CSNK2A1: variants seen among roughly 807,000 people sequenced by gnomAD.
CSNK2A1 encodes the protein casein kinase 2 alpha 1, also known as casein kinase II subunit alpha.
CSNK2A1 carries 10 observed loss-of-function variants against 62.9 expected under a neutral mutation model. That is an observed-to-expected ratio of 0.16 (90% CI 0.10 to 0.27). The LOEUF (loss-of-function observed/expected upper bound fraction) is 0.27, where lower values mean the gene tolerates loss of function less well. Ranked by LOEUF, CSNK2A1 falls within the 10% of genes least tolerant of loss-of-function variation. The pLI is 1.00. For missense variants in CSNK2A1, 160 were observed against 492.0 expected (o/e 0.33, Z 6.38); for synonymous variants, 124 against 167.8 (o/e 0.74, Z 2.02).
intron 8 of CSNK2A1, chr20:495,278 C>T (rs6037789): frequency 1.2e-5 from 2 of 160,556 alleles, no homozygotes. Flanking sequence ...CAACAGGGCC[C>T]TTATGACATC....
intron 1 of CSNK2A1, among the ~76,000 whole-genome samples, chr20:538,023 G>A (rs904614756): frequency 2.7e-5 from 4 of 150,234 alleles, no homozygotes; most frequent in African/African-American, 4.9e-5. Flanking sequence ...GTGCAGTGGC[G>A]TGATCTTGAC....
chr20:485,105 AAAAAAT>A (rs2018060303), intron 13 of CSNK2A1, among the ~76,000 whole-genome samples: 1 of 21,302 alleles, frequency 4.7e-5, no homozygotes, highest in Non-Finnish European at 9.2e-5. Flanking sequence ...AAAAAAAAAA[AAAAAAT>A]ATATATATAT....
At chr20:495,883 CT>C in intron 7 of CSNK2A1, 81 bp from the exon 8 acceptor site, 1 of 1,228,380 alleles carries the variant, frequency 8.1e-7, no homozygotes, top group Non-Finnish European at 1.2e-6. Context: ...GTAAATTTTC[CT>C]TTTAGCCTCA....
chr20:541,338 T>C (rs2019444627), intron 1 of CSNK2A1, among the ~76,000 whole-genome samples: 1 of 152,192 alleles, frequency 6.6e-6, no homozygotes, highest in Non-Finnish European at 1.5e-5. Flanking sequence ...GATCAAGGTA[T>C]GGCACCTTGG....
At position 508,624 on chromosome 20, in the gene CSNK2A1, G is replaced by A; in HGVS notation, c.-73C>T. On this transcript the variant is annotated 5_prime_UTR_variant, in exon 3 of 14. Transcript: ENST00000217244. ...GCAGTCACTGTGTTCAGAAGCAGCT[G>A]GGGGTAAGACCTTGTTTCAGACCTG... is the stretch of plus-strand genomic sequence containing the variant. 6.7e-7 allele frequency: 1 copy of A among 1,497,224 alleles called. No homozygotes were observed. The highest frequency in any genetic ancestry group is 1.8e-5 in the Admixed American group (1 of 55,978). The allele number at this position is 1,497,224 out of a possible 1,614,324, so 92.7% of individuals were successfully genotyped here.
chr20:516,003 T>A (rs2018821830), intron 2 of CSNK2A1, among the ~76,000 whole-genome samples: 1 of 152,198 alleles, frequency 6.6e-6, no homozygotes, highest in South Asian at 2.1e-4. Context: ...TTCCCCTCGA[T>A]AATTCAAATT....
intron 4 of CSNK2A1, chr20:503,810 A>G (rs2018518208): frequency 2.0e-5 from 8 of 397,410 alleles, no homozygotes; most frequent in Non-Finnish European, 3.1e-5. Context: ...TTATAGTTAT[A>G]TAAGAACAAA....
chr20:498,246 T>A (rs2018384990), intron 6 of CSNK2A1: 1 of 153,542 alleles, frequency 6.5e-6, no homozygotes. Context: ...AAACTATTCT[T>A]GTTCCAATTG....
intron 1 of CSNK2A1, among the ~76,000 whole-genome samples, chr20:536,305 A>G (rs1009704545): frequency 1.3e-5 from 2 of 152,200 alleles, no homozygotes; most frequent in Non-Finnish European, 2.9e-5. Flanking sequence ...GGCAATAAAC[A>G]CATTCTTTTC....
At chr20:538,550 ATAC>A (rs2019382039) in intron 1 of CSNK2A1, among the ~76,000 whole-genome samples, 1 of 152,216 alleles carries the variant, frequency 6.6e-6, no homozygotes, top group South Asian at 2.1e-4. Context: ...AATTAATAGG[ATAC>A]TTTAAAGAAC....
chr20:499,973 A>G lies in CSNK2A1; in HGVS notation c.214-39T>C. ...AGTACATCAGCAAAAAAAAAAAAAAAAAATTTTTTCAGAGTATTTCAACAC... is the reference window on the plus strand; with the variant it reads ...AGTACATCAGCAAAAAAAAAAAAAAGAAATTTTTTCAGAGTATTTCAACAC... On this transcript the variant is annotated intron_variant, in intron 4 of 13. Coordinates refer to ENST00000217244, the MANE Select transcript of CSNK2A1 (RefSeq NM_177559.3). The surrounding 1 kb of genome is among the most constrained non-coding windows in gnomAD (Gnocchi z 4.2). 1 of 1,538,948 alleles carries G rather than the reference A, an allele frequency of 6.5e-7. No individual in the cohort carries two copies. Among genetic ancestry groups the G allele is most frequent in the African/African-American group, 1.4e-5 (1 of 70,996 alleles).
At chr20:507,577 T>G (rs1234406093) in intron 3 of CSNK2A1, 4 of 152,174 alleles carry the variant, frequency 2.6e-5, no homozygotes, top group Non-Finnish European at 5.9e-5. Flanking sequence ...AGACTACAAC[T>G]GTTCAAGATA....
intron 6 of CSNK2A1, chr20:498,335 CTTTT>C (rs11477158): frequency 1.2e-3 from 138 of 119,652 alleles, no homozygotes; most frequent in African/African-American, 4.3e-3. Flanking sequence ...ATGGACATAT[CTTTT>C]TTTTTTTTTT....
Position 487,592 on chromosome 20 carries a change from G to C in CSNK2A1, c.825-17C>G, listed in dbSNP as rs200656477. On this transcript the variant is annotated splice_polypyrimidine_tract_variant and intron_variant, in intron 11 of 13. Coordinates refer to ENST00000217244, the MANE Select transcript of CSNK2A1 (RefSeq NM_177559.3). ...CGAGAGTGTCTGCAGGACCAAAAGA[G>C]GGCATGAGAAATGGGCCACGTGGGC... 6.6e-4 allele frequency: 1,062 copies of C among 1,614,020 alleles called. 7 individuals carry two copies. Among genetic ancestry groups the C allele is most frequent in the Middle Eastern group, 8.2e-4 (5 of 6,084 alleles).
chr20:505,892 T>TTG (rs2018572401), intron 3 of CSNK2A1: 4 of 144,380 alleles, frequency 2.8e-5, no homozygotes, highest in Non-Finnish European at 4.5e-5. Context: ...TTTTTTTTTT[T>TTG]GAGACGGAGT....
At chr20:494,722 T>A (rs1229465060) in intron 8 of CSNK2A1, 1 of 152,180 alleles carries the variant, frequency 6.6e-6, no homozygotes, top group Admixed American at 6.5e-5. Flanking sequence ...CATGATTTGG[T>A]TTTACCTCTT....
intron 11 of CSNK2A1, chr20:487,828 G>A (rs913649139): frequency 5.8e-6 from 3 of 521,366 alleles, no homozygotes; most frequent in Non-Finnish European, 1.0e-5. Flanking sequence ...CAGGTTACTT[G>A]ACAGGACGTG....
At chr20:516,464 G>C (rs568121171) in intron 2 of CSNK2A1, among the ~76,000 whole-genome samples, 1 of 152,182 alleles carries the variant, frequency 6.6e-6, no homozygotes, top group Admixed American at 6.5e-5. Flanking sequence ...CTTTAATAAA[G>C]TATAAGTAAA....
At chr20:525,966 C>A (rs1201412921) in intron 2 of CSNK2A1, among the ~76,000 whole-genome samples, 3 of 151,802 alleles carry the variant, frequency 2.0e-5, no homozygotes, top group African/African-American at 7.3e-5. Flanking sequence ...GATTATGCCA[C>A]TGCACTCTAG....
Sources: gnomAD v4.1 joint callset for allele counts (sites outside exome capture counted in the v4.1 genomes callset) on GRCh38, gnomAD v4.1.1 for gene constraint, Gnocchi (gnomAD v3.1) non-coding constraint, MANE v1.5 for transcripts, NCBI Gene and HGNC (gene_info 2026-07-23, HGNC 2026-07-21) for gene names.